DYRK1A: variants seen among roughly 807,000 people sequenced by gnomAD.
DYRK1A encodes dual specificity tyrosine-phosphorylation-regulated kinase 1A.
Under a neutral mutation model 79.7 loss-of-function variants are expected in DYRK1A, and 9 were observed. That is an observed-to-expected ratio of 0.11 (90% confidence interval 0.07 to 0.20). The LOEUF (loss-of-function observed/expected upper bound fraction) is 0.20, where lower values mean the gene tolerates loss of function less well. Among genes scored for constraint, DYRK1A ranks in the 10% least tolerant of loss-of-function variants. The probability of loss-of-function intolerance (pLI) is 1.00; values close to 1 mark genes in which losing one functional copy is unlikely to be tolerated. For synonymous variants in DYRK1A, 349 were observed against 329.7 expected (o/e 1.06, Z -0.63); for missense variants, 622 against 956.0 (o/e 0.65, Z 4.61).
In DYRK1A at chr21:37,486,632, C is replaced by T. The variant is rs1482568831; in HGVS notation, c.637+18C>T. The T allele has an allele frequency of 6.6e-7, 1 of 1,514,370 alleles. No individual in the cohort carries two copies. Among genetic ancestry groups the T allele is most frequent in the African/African-American group, 1.4e-5 (1 of 70,462 alleles). 93.8% of individuals were successfully genotyped at this position (1,514,370 alleles called of 1,614,324 possible). A position where few individuals can be genotyped will look rare whatever the true frequency, so the allele number is the denominator to read the frequency against. ...CTACATAGGTAAACAAACAGGCAAA[C>T]AGCGCAGTGTGCCCCAACCCACACC... On this transcript the variant is annotated intron_variant, in intron 6 of 11. Transcript: ENST00000647188.
intron 1 of DYRK1A, among the ~76,000 whole-genome samples, chr21:37,382,768 C>T (rs898087870): frequency 6.6e-6 from 1 of 152,004 alleles, no homozygotes; most frequent in East Asian, 1.9e-4. Context: ...TTTTAATATA[C>T]CTAGAAAGTG....
At chr21:37,387,188 G>A (rs550077978) in intron 1 of DYRK1A, among the ~76,000 whole-genome samples, 2 of 152,160 alleles carry the variant, frequency 1.3e-5, no homozygotes, top group African/African-American at 4.8e-5. Context: ...TTTTGTATTT[G>A]CCTTAAGATT....
At position 37,524,830 on chromosome 21, in the gene DYRK1A, G is replaced by A. The variant is rs1290105358; in HGVS notation, c.*12299G>A. The A allele has an allele frequency of 1.3e-5, 2 of 152,250 alleles. No individual in the cohort carries two copies. Among genetic ancestry groups the A allele is most frequent in the Non-Finnish European group, 2.9e-5 (2 of 68,072 alleles). The allele number at this position is 152,250 out of a possible 1,614,324, so 9.4% of individuals were successfully genotyped here. On this transcript the variant is annotated 3_prime_UTR_variant, in exon 12 of 12. Transcript: ENST00000647188. ...GCTGAGAAAACTGGTCAGGTGTGGC[G>A]GCTCATGCCTATAGTCCCAACACTT... is the stretch of plus-strand genomic sequence containing the variant.
At chr21:37,403,657 ATATATATGTGTG>A (rs1419420558) in intron 1 of DYRK1A, among the ~76,000 whole-genome samples, 3 of 124,952 alleles carry the variant, frequency 2.4e-5, no homozygotes, top group African/African-American at 9.8e-5. Context: ...AAATATATAT[ATATATATGTGTG>A]TGTGTGTGTG....
intron 1 of DYRK1A, among the ~76,000 whole-genome samples, chr21:37,375,798 C>A (rs2049526873): frequency 6.6e-6 from 1 of 151,916 alleles, no homozygotes; most frequent in African/African-American, 2.4e-5. Context: ...TGTGAGCCAC[C>A]ACACCCAGCC....
chr21:37,372,393 G>A (rs2148354995), intron 1 of DYRK1A, among the ~76,000 whole-genome samples: 1 of 151,500 alleles, frequency 6.6e-6, no homozygotes, highest in South Asian at 2.1e-4. Context: ...GGGTTGCAGT[G>A]AGCTGAGATT....
chr21:37,397,845 A>T (rs2049983578), intron 1 of DYRK1A, among the ~76,000 whole-genome samples: 1 of 151,990 alleles, frequency 6.6e-6, no homozygotes, highest in African/African-American at 2.4e-5. Context: ...ATCGCCTTAC[A>T]TGTGAAAGTG....
intron 1 of DYRK1A, among the ~76,000 whole-genome samples, chr21:37,396,318 C>T (rs1382452482): frequency 1.3e-5 from 2 of 151,572 alleles, no homozygotes; most frequent in Non-Finnish European, 2.9e-5. Context: ...AGTTATTTTT[C>T]TGTCATTTAA....
At position 37,494,480 on chromosome 21, in the gene DYRK1A, G is replaced by A. The variant is rs149790614; in HGVS notation, c.1071+1317G>A. On this transcript the variant is annotated intron_variant, in intron 8 of 11. Coordinates refer to ENST00000647188, the MANE Select transcript of DYRK1A (RefSeq NM_001347721.2). ...GCCAGCTACAGGCCCATAGCCCTTTGTATTTCTTCCTTCCTGTGCCTAAAA... is the reference window on the plus strand; with the variant it reads ...GCCAGCTACAGGCCCATAGCCCTTTATATTTCTTCCTTCCTGTGCCTAAAA... 8.6e-5 allele frequency among the ~76,000 whole-genome samples: 13 copies of A among 151,634 alleles called. No homozygotes were observed. In the East Asian group the frequency reaches 2.5e-3, roughly 30 times the overall value.
intron 2 of DYRK1A, among the ~76,000 whole-genome samples, chr21:37,451,452 C>T (rs1255619796): frequency 2.0e-5 from 3 of 147,430 alleles, no homozygotes; most frequent in Non-Finnish European, 4.5e-5. Context: ...TCTTTTATAT[C>T]ATATTTTTAT....
At chr21:37,468,442 G>A (rs1403727347) in intron 2 of DYRK1A, among the ~76,000 whole-genome samples, 1 of 152,142 alleles carries the variant, frequency 6.6e-6, no homozygotes, top group African/African-American at 2.4e-5. Context: ...AGAATTTCCT[G>A]TTGGATCTTA....
chr21:37,433,077 TTTTAG>T (rs2050825184), intron 2 of DYRK1A, among the ~76,000 whole-genome samples: 1 of 150,134 alleles, frequency 6.7e-6, no homozygotes, highest in Non-Finnish European at 1.5e-5. Context: ...GTAATGAAGA[TTTTAG>T]TTTAGTAAGT....
intron 1 of DYRK1A, chr21:37,418,767 C>T (rs957756361): frequency 5.9e-5 from 9 of 152,058 alleles, no homozygotes; most frequent in African/African-American, 2.2e-4. Context: ...TAGTCATACA[C>T]CCCCCACAAT....
At chr21:37,491,249 T>C (rs1182082004) in intron 7 of DYRK1A, among the ~76,000 whole-genome samples, 1 of 152,154 alleles carries the variant, frequency 6.6e-6, no homozygotes, top group Non-Finnish European at 1.5e-5. Flanking sequence ...TCCAGCATTA[T>C]GAAAACTACT....
At chr21:37,498,189 G>A (rs2053332185) in intron 9 of DYRK1A, among the ~76,000 whole-genome samples, 1 of 152,008 alleles carries the variant, frequency 6.6e-6, no homozygotes, top group South Asian at 2.1e-4. Context: ...TTTTTTTCCT[G>A]GTGGAGGTGC....
chr21:37,479,607 T>TTTTTTTTTTTTTTTTTTTTTTTTTTTTA (rs2052540894), intron 4 of DYRK1A, among the ~76,000 whole-genome samples: 1 of 62,772 alleles, frequency 1.6e-5, no homozygotes, highest in Admixed American at 1.8e-4. Context: ...TTTGTTTTTG[T>TTTTTTTTTTTTTTTTTTTTTTTTTTTTA]TTTTGTTTTT....
At chr21:37,477,359 AC>A (rs969831174) in intron 3 of DYRK1A, among the ~76,000 whole-genome samples, 2 of 151,860 alleles carry the variant, frequency 1.3e-5, no homozygotes, top group African/African-American at 4.8e-5. Flanking sequence ...GATTGCAAGA[AC>A]CCCCATTGGG....
At position 37,515,814 on chromosome 21, in the gene DYRK1A, C is replaced by T. The variant is rs546221819; in HGVS notation, c.*3283C>T. The T allele has an allele frequency of 1.5e-4, 23 of 151,228 alleles. No individual in the cohort carries two copies. Among genetic ancestry groups the T allele is most frequent in the African/African-American group, 4.9e-4 (20 of 41,180 alleles). The allele number at this position is 151,228 out of a possible 1,614,324, so 9.4% of individuals were successfully genotyped here. A position where few individuals can be genotyped will look rare whatever the true frequency, so the allele number is the denominator to read the frequency against. ...TTAGGGTGTGAGAATTTTACCTAGG[C>T]ACATGGATATTGGGCTGAAAAAAAA... On this transcript the variant is annotated 3_prime_UTR_variant, in exon 12 of 12. Transcript: ENST00000647188.
At chr21:37,503,164 A>G (rs943774285) in intron 9 of DYRK1A, 2 of 152,114 alleles carry the variant, frequency 1.3e-5, no homozygotes, top group African/African-American at 4.8e-5. Flanking sequence ...GTTGATCTCT[A>G]TCATCAGTTT....
Sources: allele counts gnomAD v4.1 joint callset (sites outside exome capture counted in the v4.1 genomes callset), GRCh38; gene constraint gnomAD v4.1.1; transcripts MANE v1.5; gene names NCBI Gene and HGNC (gene_info 2026-07-23, HGNC 2026-07-21).